Variants in LMX1A observed in about 807,000 individuals in gnomAD.
LMX1A encodes LIM homeobox transcription factor 1 alpha, also known as LIM homeobox transcription factor 1-alpha.
In LMX1A, 15 loss-of-function variants were observed where a neutral mutation model predicts 49.1. That is an observed-to-expected ratio of 0.31 (90% CI 0.20 to 0.47). The LOEUF (loss-of-function observed/expected upper bound fraction) is 0.47, where lower values mean the gene tolerates loss of function less well. Among genes scored for constraint, LMX1A ranks in the 20% least tolerant of loss-of-function variants. LMX1A has a pLI of 1.00. For synonymous variants in LMX1A, 167 were observed against 185.7 expected (o/e 0.90, Z 0.82); for missense variants, 372 against 475.8 (o/e 0.78, Z 2.03).
At chr1:165,341,380 C>CAAG (rs1656071468) in intron 3 of LMX1A, among the ~76,000 whole-genome samples, 3 of 152,152 alleles carry the variant, frequency 2.0e-5, no homozygotes, top group African/African-American at 7.2e-5. Context: ...ACTCATCCTG[C>CAAG]AAGAGCCAGT....
At position 165,282,389 on chromosome 1, in the gene LMX1A, C is replaced by T. The variant is rs192027348; in HGVS notation, c.264-32749G>A. Among the ~76,000 whole-genome samples the T allele has an allele frequency of 4.6e-5, 7 of 152,292 alleles. No homozygotes were observed. In the South Asian group the frequency reaches 1.5e-3, roughly 32 times the overall value. On this transcript the variant is annotated intron_variant, in intron 3 of 8. Transcript: ENST00000342310. ...AGTATGTGCATGTAACCTACGCACA[C>T]CCTTCTGTATACTTTCATTCTTCTC... is the stretch of plus-strand genomic sequence containing the variant.
At chr1:165,286,833 A>G (rs575860782) in intron 3 of LMX1A, among the ~76,000 whole-genome samples, 10 of 152,156 alleles carry the variant, frequency 6.6e-5, no homozygotes, top group South Asian at 2.1e-4. Context: ...TGTTCTGAGC[A>G]TTTACAAGAC....
chr1:165,224,451 G>C (rs553904199), intron 4 of LMX1A, among the ~76,000 whole-genome samples: 1 of 152,136 alleles, frequency 6.6e-6, no homozygotes, highest in Non-Finnish European at 1.5e-5. Context: ...CAACAAGATA[G>C]TTACAGGAAC....
chr1:165,258,697 G>GC (rs1287486457), intron 3 of LMX1A, among the ~76,000 whole-genome samples: 3 of 152,140 alleles, frequency 2.0e-5, no homozygotes, highest in Non-Finnish European at 4.4e-5. Flanking sequence ...AATGCACATG[G>GC]TTTTTCATCT....
intron 4 of LMX1A, among the ~76,000 whole-genome samples, chr1:165,231,866 T>C (rs1178700759): frequency 1.3e-5 from 2 of 151,564 alleles, no homozygotes; most frequent in East Asian, 3.9e-4. Context: ...TCTCAACTTT[T>C]TGGAACTTAA....
chr1:165,272,370 T>A, intron 3 of LMX1A, among the ~76,000 whole-genome samples: 1 of 152,232 alleles, frequency 6.6e-6, no homozygotes. Flanking sequence ...CTGGTTACAC[T>A]GGTGGCTGAA....
chr1:165,205,837 G>T, intron 8 of LMX1A, 27 bp downstream of exon 8: 2 of 1,610,150 alleles, frequency 1.2e-6, no homozygotes, highest in Non-Finnish European at 1.7e-6. Context: ...GTTATGAGAG[G>T]GCCCGAGGGG....
At chr1:165,310,021 C>T (rs1364863420) in intron 3 of LMX1A, among the ~76,000 whole-genome samples, 1 of 152,234 alleles carries the variant, frequency 6.6e-6, no homozygotes, top group Non-Finnish European at 1.5e-5. Context: ...CGATGCCCTA[C>T]TGCCAATAAG....
At chr1:165,333,026 A>G (rs547639747) in intron 3 of LMX1A, among the ~76,000 whole-genome samples, 58 of 152,330 alleles carry the variant, frequency 3.8e-4, no homozygotes, top group African/African-American at 1.2e-3. Flanking sequence ...CATTGGGACC[A>G]TCACTTAGCC....
intron 4 of LMX1A, among the ~76,000 whole-genome samples, chr1:165,231,085 A>T (rs912459854): frequency 1.4e-5 from 2 of 147,422 alleles, no homozygotes; most frequent in Non-Finnish European, 3.0e-5. Context: ...TAGGTTTTTT[A>T]AAATTTTTAT....
rs542462850 is a variant in LMX1A, at chr1:165,258,698, T to C, written c.264-9058A>G. 9.2e-5 allele frequency among the ~76,000 whole-genome samples: 14 copies of C among 151,802 alleles called. No homozygotes were observed. In the South Asian group the frequency reaches 2.7e-3, roughly 30 times the overall value. On this transcript the variant is annotated intron_variant, in intron 3 of 8. Coordinates refer to ENST00000342310, the MANE Select transcript of LMX1A (RefSeq NM_177398.4). ...AAGAAAGGCAGGGTAATGCACATGGTTTTTCATCTATCACAAATGTTGCTG... is the reference window on the plus strand; with the variant it reads ...AAGAAAGGCAGGGTAATGCACATGGCTTTTCATCTATCACAAATGTTGCTG...
At chr1:165,251,057 G>A (rs1294580626) in intron 3 of LMX1A, among the ~76,000 whole-genome samples, 2 of 149,694 alleles carry the variant, frequency 1.3e-5, no homozygotes, top group African/African-American at 2.4e-5. Context: ...GACATCATCT[G>A]GCAAGCAATT....
chr1:165,344,076 C>A (rs1050365531), intron 3 of LMX1A, among the ~76,000 whole-genome samples: 7 of 152,184 alleles, frequency 4.6e-5, no homozygotes, highest in African/African-American at 1.2e-4. Context: ...GAAGGCACAG[C>A]CAAGCTGAGA....
chr1:165,222,528 G>T (rs1342964783), intron 4 of LMX1A, among the ~76,000 whole-genome samples: 1 of 152,194 alleles, frequency 6.6e-6, no homozygotes, highest in African/African-American at 2.4e-5. Context: ...CTAGGCAAGG[G>T]TTGGAAGACA....
At chr1:165,351,470 C>G (rs1656424433) in intron 3 of LMX1A, among the ~76,000 whole-genome samples, 1 of 152,166 alleles carries the variant, frequency 6.6e-6, no homozygotes, top group Admixed American at 6.5e-5. Flanking sequence ...AACAGACAAC[C>G]AAGAATACAC....
At chr1:165,353,306 T>C (rs1214712912) in intron 2 of LMX1A, 44 bp from the exon 3 acceptor site, 1 of 1,560,114 alleles carries the variant, frequency 6.4e-7, no homozygotes, top group Non-Finnish European at 8.7e-7. Context: ...CCCGGGCAGG[T>C]AGACCATGCC....
chr1:165,354,495 C>T (rs1656533963), intron 2 of LMX1A, among the ~76,000 whole-genome samples: 1 of 152,150 alleles, frequency 6.6e-6, no homozygotes, highest in Non-Finnish European at 1.5e-5. Context: ...CTCTGGCTTC[C>T]GCTCTCTTCC....
At chr1:165,233,117 A>T (rs752451746) in intron 4 of LMX1A, among the ~76,000 whole-genome samples, 1 of 152,228 alleles carries the variant, frequency 6.6e-6, no homozygotes, top group Non-Finnish European at 1.5e-5. Context: ...TCCCATAGCC[A>T]TGAAGACTCA....
intron 4 of LMX1A, among the ~76,000 whole-genome samples, chr1:165,238,029 A>T (rs1281279171): frequency 2.0e-5 from 3 of 152,228 alleles, no homozygotes; most frequent in African/African-American, 7.2e-5. Context: ...TGTCCAGAGA[A>T]TGCAATCCTA....
Sources: allele counts gnomAD v4.1 joint callset (sites outside exome capture counted in the v4.1 genomes callset), GRCh38; gene constraint gnomAD v4.1.1; transcripts MANE v1.5; gene names NCBI Gene and HGNC (gene_info 2026-07-23, HGNC 2026-07-21).